Variants in ACER2 observed in about 807,000 individuals in gnomAD.
ACER2 encodes the protein alkaline ceramidase 2.
In ACER2, 26 loss-of-function variants were observed where a neutral mutation model predicts 34.7. That is an observed-to-expected ratio of 0.75 (90% CI 0.55 to 1.04). The LOEUF is 1.04. ACER2 is among the 50% of genes least tolerant of loss of function. ACER2 has a pLI of 0.00. For synonymous variants in ACER2, 138 were observed against 132.1 expected (o/e 1.04, Z -0.31); for missense variants, 352 against 340.8 (o/e 1.03, Z -0.26).
Position 19,450,987 on chromosome 9 carries a change from T to C in ACER2, c.*351T>C, listed in dbSNP as rs1412035605. 6.0e-6 allele frequency: 1 copy of C among 166,560 alleles called. No individual in the cohort carries two copies. The highest frequency in any genetic ancestry group is 1.3e-5 in the Non-Finnish European group (1 of 76,916). 10.3% of individuals were successfully genotyped at this position (166,560 alleles called of 1,614,324 possible). A position where few individuals can be genotyped will look rare whatever the true frequency, so the allele number is the denominator to read the frequency against. Reference sequence around the variant, plus strand: ...AAAGGTCCCCTCCTCCTCCCTAATGTGTCTGTGGACCACCTGGATTCCACT... The same window carrying C: ...AAAGGTCCCCTCCTCCTCCCTAATGCGTCTGTGGACCACCTGGATTCCACT... On this transcript the variant is annotated 3_prime_UTR_variant, in exon 6 of 6. Transcript: ENST00000340967.
At chr9:19,435,451 G>C (rs936055509) in intron 4 of ACER2, among the ~76,000 whole-genome samples, 6 of 152,202 alleles carry the variant, frequency 3.9e-5, no homozygotes, top group Admixed American at 2.0e-4. Flanking sequence ...AAGTGAGTTT[G>C]TATCTATAAG....
chr9:19,410,184 A>G (rs2132448633), intron 1 of ACER2, among the ~76,000 whole-genome samples: 1 of 152,348 alleles, frequency 6.6e-6, no homozygotes, highest in South Asian at 2.1e-4. Flanking sequence ...TGTCTTCAGC[A>G]GGAGTCAGGT....
intron 3 of ACER2, among the ~76,000 whole-genome samples, chr9:19,425,225 A>G (rs1830526285): frequency 6.6e-6 from 1 of 152,246 alleles, no homozygotes; most frequent in Non-Finnish European, 1.5e-5. Flanking sequence ...TATACATATG[A>G]AGTAGAATCC....
intron 4 of ACER2, among the ~76,000 whole-genome samples, chr9:19,439,505 T>C (rs1831077359): frequency 6.6e-6 from 1 of 152,160 alleles, no homozygotes; most frequent in South Asian, 2.1e-4. Flanking sequence ...CCACCATGCC[T>C]GGCTAATTTT....
At chr9:19,436,738 A>G (rs1563886492) in intron 4 of ACER2, among the ~76,000 whole-genome samples, 9 of 152,148 alleles carry the variant, frequency 5.9e-5, no homozygotes. Context: ...TAGTCAACAC[A>G]TTTCCTGTTT....
At chr9:19,424,950 C>A in intron 3 of ACER2, 109 bp downstream of exon 3, 1 of 1,345,004 alleles carries the variant, frequency 7.4e-7, no homozygotes, top group South Asian at 1.4e-5. Context: ...TAGTGATGAG[C>A]TTATCATATA....
At chr9:19,448,064 T>TG (rs1563893813) in intron 5 of ACER2, among the ~76,000 whole-genome samples, 2 of 146,310 alleles carry the variant, frequency 1.4e-5, no homozygotes, top group Non-Finnish European at 3.0e-5. Flanking sequence ...TGGAGTGCAG[T>TG]GGGGTGATCT....
chr9:19,450,415 C>A (rs1405379188), intron 5 of ACER2, 35 bp from the exon 6 acceptor site: 2 of 1,543,616 alleles, frequency 1.3e-6, no homozygotes, highest in Admixed American at 1.7e-5. Context: ...AGTCTTCATG[C>A]TCATCAGGTT....
At chr9:19,450,099 G>C in intron 5 of ACER2, 3 of 648,240 alleles carry the variant, frequency 4.6e-6, no homozygotes, top group Non-Finnish European at 5.7e-6. Context: ...TGAGAAGGTG[G>C]GTTCTAATCA....
At chr9:19,432,674 G>A (rs1830794944) in intron 3 of ACER2, among the ~76,000 whole-genome samples, 3 of 147,026 alleles carry the variant, frequency 2.0e-5, no homozygotes, top group Non-Finnish European at 3.0e-5. Context: ...ATATAGTTAT[G>A]CTATATATAG....
chr9:19,438,692 G>T (rs1831049713), intron 4 of ACER2, among the ~76,000 whole-genome samples: 1 of 152,198 alleles, frequency 6.6e-6, no homozygotes, highest in Non-Finnish European at 1.5e-5. Context: ...AGAATTCACT[G>T]CAGTCTAGTT....
At chr9:19,446,702 G>C (rs1831377202) in intron 5 of ACER2, 1 of 910,898 alleles carries the variant, frequency 1.1e-6, no homozygotes, top group South Asian at 5.1e-5. Flanking sequence ...AGGAGCTTGA[G>C]AACTGAACCT....
At chr9:19,444,218 T>TTG (rs1425030657) in intron 4 of ACER2, among the ~76,000 whole-genome samples, 1 of 130,254 alleles carries the variant, frequency 7.7e-6, no homozygotes, top group Non-Finnish European at 1.6e-5. Context: ...CTCATAATGG[T>TTG]TTTTTTTTTT....
chr9:19,442,523 G>A (rs956814607), intron 4 of ACER2, among the ~76,000 whole-genome samples: 1 of 152,196 alleles, frequency 6.6e-6, no homozygotes, highest in Non-Finnish European at 1.5e-5. Flanking sequence ...CCTCCCTCCT[G>A]CCTCGTACAT....
At chr9:19,440,980 A>G (rs1270605758) in intron 4 of ACER2, among the ~76,000 whole-genome samples, 2 of 152,056 alleles carry the variant, frequency 1.3e-5, no homozygotes, top group Non-Finnish European at 2.9e-5. Context: ...CAGTTACTGA[A>G]GCCTGAAACC....
At chr9:19,420,032 G>T (rs1830355595) in intron 1 of ACER2, among the ~76,000 whole-genome samples, 1 of 152,168 alleles carries the variant, frequency 6.6e-6, no homozygotes, top group Non-Finnish European at 1.5e-5. Context: ...GGTCCTTGAA[G>T]CTGCCAGTCC....
chr9:19,409,216 G>T, intron 1 of ACER2, 24 bp downstream of exon 1: 2 of 1,560,338 alleles, frequency 1.3e-6, no homozygotes, highest in Non-Finnish European at 1.7e-6. Flanking sequence ...GAGCGGGGAA[G>T]GCAGGCGGGC....
At position 19,452,129 on chromosome 9, in the gene ACER2, A is replaced by G. The variant is rs1831590393; in HGVS notation, c.*1493A>G. The G allele has an allele frequency of 6.6e-6, 1 of 152,664 alleles. No homozygotes were observed. Among genetic ancestry groups the G allele is most frequent in the South Asian group, 2.1e-4 (1 of 4,834 alleles). The allele number at this position is 152,664 out of a possible 1,614,324, so 9.5% of individuals were successfully genotyped here. On this transcript the variant is annotated 3_prime_UTR_variant, in exon 6 of 6. Transcript: ENST00000340967. ...ATCTTCAAGGTGCATGGTGGGAATTATCAACCTCAGGGATACTCATTTTAA... is the reference window on the plus strand; with the variant it reads ...ATCTTCAAGGTGCATGGTGGGAATTGTCAACCTCAGGGATACTCATTTTAA...
At chr9:19,448,109 G>C (rs983053440) in intron 5 of ACER2, among the ~76,000 whole-genome samples, 2 of 149,142 alleles carry the variant, frequency 1.3e-5, no homozygotes, top group Non-Finnish European at 3.0e-5. Context: ...CGGACTGAAA[G>C]TGATTCTCCC....
Sources: allele counts gnomAD v4.1 joint callset (sites outside exome capture counted in the v4.1 genomes callset), GRCh38; gene constraint gnomAD v4.1.1; transcripts MANE v1.5; gene names NCBI Gene and HGNC (gene_info 2026-07-23, HGNC 2026-07-21).